Variants in MLLT3 observed in about 807,000 individuals in gnomAD.
The protein encoded by MLLT3 is protein AF-9.
MLLT3 carries 4 observed loss-of-function variants against 53.2 expected under a neutral mutation model. That is an observed-to-expected ratio of 0.08 (90% CI 0.04 to 0.17). The LOEUF is 0.17. Among genes scored for constraint, MLLT3 ranks in the 10% least tolerant of loss-of-function variants. The pLI is 1.00. For missense variants in MLLT3, 569 were observed against 684.0 expected (o/e 0.83, Z 1.87); for synonymous variants, 283 against 230.6 (o/e 1.23, Z -2.06).
chr9:20,382,130 T>G (rs1821923096), intron 5 of MLLT3, among the ~76,000 whole-genome samples: 1 of 151,902 alleles, frequency 6.6e-6, no homozygotes, highest in African/African-American at 2.4e-5. Flanking sequence ...CTCTATTTTT[T>G]TCTTAATTAG....
At chr9:20,573,194 T>TGG (rs1819576422) in intron 2 of MLLT3, among the ~76,000 whole-genome samples, 1 of 149,224 alleles carries the variant, frequency 6.7e-6, no homozygotes, top group South Asian at 2.1e-4. Context: ...TTTTGTTTTT[T>TGG]TTTTTTGAGA....
At chr9:20,371,426 C>G (rs1821598412) in intron 5 of MLLT3, among the ~76,000 whole-genome samples, 2 of 152,228 alleles carry the variant, frequency 1.3e-5, no homozygotes, top group African/African-American at 2.4e-5. Flanking sequence ...GGCTGACACT[C>G]TTTTTAGAGG....
At position 20,620,651 on chromosome 9, in the gene MLLT3, T is replaced by C. The variant is rs944801266; in HGVS notation, c.193+3A>G. Reference sequence around the variant, plus strand: ...TCAAGACCCTTTTGTATTCGAGCCCTACCTCTTTTTGGCCTAGGAAAGCTT... The same window carrying C: ...TCAAGACCCTTTTGTATTCGAGCCCCACCTCTTTTTGGCCTAGGAAAGCTT... On this transcript the variant is annotated splice_donor_region_variant and intron_variant, in intron 2 of 10. Transcript: ENST00000380338. This position sits in a 1 kb window ranked among gnomAD's most constrained non-coding sequence, Gnocchi z 6.1. The C allele has an allele frequency of 1.2e-6, 2 of 1,613,262 alleles. No individual in the cohort carries two copies. Among genetic ancestry groups the C allele is most frequent in the Admixed American group, 1.7e-5 (1 of 59,938 alleles).
intron 2 of MLLT3, among the ~76,000 whole-genome samples, chr9:20,503,364 G>A (rs1825296982): frequency 6.6e-6 from 1 of 151,656 alleles, no homozygotes; most frequent in Non-Finnish European, 1.5e-5. Flanking sequence ...TCAATGGAAT[G>A]GAATAGAGGG....
intron 2 of MLLT3, among the ~76,000 whole-genome samples, chr9:20,605,700 T>C (rs1026103854): frequency 2.6e-5 from 4 of 152,082 alleles, no homozygotes; most frequent in African/African-American, 9.7e-5. Context: ...CAGAACAATT[T>C]TAGTCAGATT....
Position 20,490,583 on chromosome 9 carries a change from GCTGGCAACAC to G in MLLT3, c.194-33807_194-33798del, listed in dbSNP as rs1341309669. Among the ~76,000 whole-genome samples the G allele has an allele frequency of 3.3e-5, 5 of 152,306 alleles. No individual in the cohort carries two copies. In the South Asian group the frequency reaches 1.0e-3, roughly 32 times the overall value. On this transcript the variant is annotated intron_variant, in intron 2 of 10. Transcript: ENST00000380338. ...GGGAGCAGATTCTTCCCAGAGCCCA[GCTGGCAACAC>G]CTAGATTTCAGCCTCAGGAAACCCA...
At chr9:20,442,594 A>G (rs1823582244) in intron 4 of MLLT3, among the ~76,000 whole-genome samples, 1 of 152,108 alleles carries the variant, frequency 6.6e-6, no homozygotes, top group South Asian at 2.1e-4. Flanking sequence ...ACCACCCTAC[A>G]CAAGATTCAT....
intron 4 of MLLT3, among the ~76,000 whole-genome samples, chr9:20,435,576 T>TA (rs1823380758): frequency 1.3e-5 from 2 of 152,100 alleles, no homozygotes; most frequent in Admixed American, 6.5e-5. Context: ...AGCACTAAGC[T>TA]AAAAAATGCC....
intron 4 of MLLT3, among the ~76,000 whole-genome samples, chr9:20,447,250 G>A (rs538342427): frequency 6.6e-6 from 1 of 152,186 alleles, no homozygotes; most frequent in Non-Finnish European, 1.5e-5. Flanking sequence ...CATCTTGATG[G>A]GTTATGGTCT....
chr9:20,410,395 C>A (rs1822698384), intron 5 of MLLT3, among the ~76,000 whole-genome samples: 1 of 152,052 alleles, frequency 6.6e-6, no homozygotes, highest in African/African-American at 2.4e-5. Context: ...AAATTTTCAA[C>A]AATAATCCTA....
At chr9:20,411,990 C>T (rs981454096) in intron 5 of MLLT3, 5 of 152,164 alleles carry the variant, frequency 3.3e-5, no homozygotes, top group African/African-American at 1.2e-4. Flanking sequence ...TAAGCCATTA[C>T]TTACCCATAC....
chr9:20,461,896 T>G (rs1824117663), intron 2 of MLLT3, among the ~76,000 whole-genome samples: 1 of 152,168 alleles, frequency 6.6e-6, no homozygotes, highest in South Asian at 2.1e-4. Flanking sequence ...CACATCAAAC[T>G]CTCTCTATAT....
chr9:20,562,782 T>A (rs567418866), intron 2 of MLLT3, among the ~76,000 whole-genome samples: 2 of 152,308 alleles, frequency 1.3e-5, no homozygotes, highest in East Asian at 3.9e-4. Flanking sequence ...TCTTTCTGCC[T>A]GGTAAGACCA....
rs1163762996 is a variant in MLLT3 at position 20,567,965 on chromosome 9, G to A, written c.193+52689C>T. Among the ~76,000 whole-genome samples, 8 of 152,196 alleles carry A rather than the reference G, an allele frequency of 5.3e-5. No individual in the cohort carries two copies. In the South Asian group the frequency reaches 1.0e-3, roughly 20 times the overall value. ...TCCCCGCCACCTACAGCTGCCTTCA[G>A]GAACAATTAAGATGTTGACTTGGAG... On this transcript the variant is annotated intron_variant, in intron 2 of 10. Transcript: ENST00000380338.
chr9:20,345,336 G>A lies in MLLT3; in HGVS notation c.*1107C>T. ...TTTTCAAATATAAAAGTGTCTAAGAGAATCATATGTGAACAAACAAAAATC... is the reference window on the plus strand; with the variant it reads ...TTTTCAAATATAAAAGTGTCTAAGAAAATCATATGTGAACAAACAAAAATC... On this transcript the variant is annotated 3_prime_UTR_variant, in exon 11 of 11. Coordinates refer to ENST00000380338, the MANE Select transcript of MLLT3 (RefSeq NM_004529.4). 4.7e-6 allele frequency: 1 copy of A among 210,888 alleles called. No homozygotes were observed. The highest frequency in any genetic ancestry group is 9.6e-6 in the Non-Finnish European group (1 of 103,952). 13.1% of individuals were successfully genotyped at this position (210,888 alleles called of 1,614,324 possible). A position where few individuals can be genotyped will look rare whatever the true frequency, so the allele number is the denominator to read the frequency against.
chr9:20,518,342 G>A lies in MLLT3; in HGVS notation c.194-61556C>T, dbSNP rs148286939. 1.1e-4 allele frequency among the ~76,000 whole-genome samples: 16 copies of A among 152,162 alleles called. No homozygotes were observed. In the East Asian group the frequency reaches 2.3e-3, roughly 22 times the overall value. ...ACCTGGGCAAGAGAGCAAAAACTCC[G>A]TCTCAAAACAAACAAACAAACAAAC... On this transcript the variant is annotated intron_variant, in intron 2 of 10. Coordinates refer to ENST00000380338, the MANE Select transcript of MLLT3 (RefSeq NM_004529.4).
chr9:20,586,172 T>C (rs1287482443), intron 2 of MLLT3, among the ~76,000 whole-genome samples: 1 of 151,960 alleles, frequency 6.6e-6, no homozygotes, highest in Non-Finnish European at 1.5e-5. Flanking sequence ...TGTTTTAAAT[T>C]AGCCAGGTGT....
chr9:20,543,337 T>C (rs1287482133), intron 2 of MLLT3, among the ~76,000 whole-genome samples: 1 of 152,252 alleles, frequency 6.6e-6, no homozygotes, highest in African/African-American at 2.4e-5. Context: ...TTCTAGCTTT[T>C]AATTTAAAGT....
chr9:20,513,838 G>A (rs1817828799), intron 2 of MLLT3, among the ~76,000 whole-genome samples: 1 of 152,216 alleles, frequency 6.6e-6, no homozygotes, highest in Non-Finnish European at 1.5e-5. Context: ...AATAGATGCT[G>A]AAGCAACATA....
Sources: gnomAD v4.1 joint callset for allele counts (sites outside exome capture counted in the v4.1 genomes callset) on GRCh38, gnomAD v4.1.1 for gene constraint, Gnocchi (gnomAD v3.1) non-coding constraint, MANE v1.5 for transcripts, NCBI Gene and HGNC (gene_info 2026-07-23, HGNC 2026-07-21) for gene names.